ZNF334: variants seen among roughly 807,000 people sequenced by gnomAD.
ZNF334 encodes the protein zinc finger protein 334.
ZNF334 carries 14 observed loss-of-function variants against 12.4 expected under a neutral mutation model. That is an observed-to-expected ratio of 1.13 (90% CI 0.74 to 1.76). The LOEUF (loss-of-function observed/expected upper bound fraction) is 1.76, where lower values mean the gene tolerates loss of function less well. ZNF334 is among the 40% of genes most tolerant of loss of function. ZNF334 has a pLI of 0.00. For missense variants in ZNF334, 797 were observed against 804.5 expected (o/e 0.99, Z 0.11); for synonymous variants, 273 against 269.6 (o/e 1.01, Z -0.12).
chr20:46,508,363 G>C (rs930409390), intron 2 of ZNF334, among the ~76,000 whole-genome samples: 4 of 152,220 alleles, frequency 2.6e-5, no homozygotes, highest in African/African-American at 9.7e-5. Context: ...GACCCTACAT[G>C]TAATGCAAAG....
the ZNF334 span, among the ~76,000 whole-genome samples, chr20:46,483,094 G>T: frequency 1.3e-5 from 2 of 152,134 alleles, no homozygotes; most frequent in Non-Finnish European, 2.9e-5. Context: ...TTGATGGCTT[G>T]GTTACATCCC....
downstream of ZNF334, among the ~76,000 whole-genome samples, chr20:46,498,015 C>T (rs897282228): frequency 6.6e-6 from 1 of 152,192 alleles, no homozygotes; most frequent in African/African-American, 2.4e-5. Context: ...ATCTCTATCT[C>T]TAGAAAGAAG....
In ZNF334 at chr20:46,505,814, C is replaced by T. The variant is rs1012455838; in HGVS notation, c.22-1074G>A. ...CCTTGTCCTCTAAAGAAAACATTTG[C>T]TGTCCCCTACTCTAGAAAAATGGAA... On this transcript the variant is annotated intron_variant, in intron 2 of 4. Transcript: ENST00000692313. 2.0e-5 allele frequency: 3 copies of T among 153,350 alleles called. No individual in the cohort carries two copies. The Admixed American group carries it at 2.0e-4, about 10-fold the overall frequency. 9.5% of individuals were successfully genotyped at this position (153,350 alleles called of 1,614,324 possible).
In ZNF334 at chr20:46,501,823, G is replaced by A. The variant is rs1359508541; in HGVS notation, c.1516C>T (p.Gln506Ter). 2 of 1,613,672 alleles carry A rather than the reference G, an allele frequency of 1.2e-6. No individual in the cohort carries two copies. Among genetic ancestry groups the A allele is most frequent in the South Asian group, 1.1e-5 (1 of 91,042 alleles). Reference protein sequence around the residue: ...RISIVKSNCSQCKRMNTKENL... With the variant: ...RISIVKSNCS ...TCCTTTGTGTTCATTCTCTTACACT[G>A]ACTGCAGTTTGACTTCACAATGGAG... Residue 506 changes from glutamine (Q) to a stop codon, truncating the protein, a stop_gained, in exon 5 of 5, where the codon CAG becomes TAG. Coordinates refer to ENST00000692313, the MANE Select transcript of ZNF334 (RefSeq NM_001353824.2). LOFTEE classifies it low-confidence loss of function (END_TRUNC).
At chr20:46,497,671 T>C (rs766053749), downstream of ZNF334, among the ~76,000 whole-genome samples, 20 of 152,218 alleles carry the variant, frequency 1.3e-4, no homozygotes, top group Non-Finnish European at 2.4e-4. Context: ...CACAACACTG[T>C]AGTGAAAGAC....
At chr20:46,473,526 T>C in the ZNF334 span, among the ~76,000 whole-genome samples, 1 of 152,276 alleles carries the variant, frequency 6.6e-6, no homozygotes, top group African/African-American at 2.4e-5. Flanking sequence ...TTCTTTCTTA[T>C]GATTCAGTTC....
At chr20:46,462,685 T>C in the ZNF334 span, among the ~76,000 whole-genome samples, 6 of 152,258 alleles carry the variant, frequency 3.9e-5, no homozygotes, top group Admixed American at 1.3e-4. Context: ...TTTCTTTCTT[T>C]ATATAGACAG....
chr20:46,500,086 A>G lies in ZNF334; in HGVS notation c.*1210T>C, dbSNP rs959781981. The G allele has an allele frequency of 3.3e-5, 5 of 152,346 alleles. No individual in the cohort carries two copies. The East Asian group carries it at 7.7e-4, about 23-fold the overall frequency. 9.4% of individuals were successfully genotyped at this position (152,346 alleles called of 1,614,324 possible). A position where few individuals can be genotyped will look rare whatever the true frequency, so the allele number is the denominator to read the frequency against. On this transcript the variant is annotated 3_prime_UTR_variant, in exon 5 of 5. Transcript: ENST00000692313. ...TAGACCAATTTACCAATCACAGGCA[A>G]TATCTGTGACAAGAAATTATACTTG...
chr20:46,507,266 G>A (rs2061467287), intron 2 of ZNF334, among the ~76,000 whole-genome samples: 1 of 151,484 alleles, frequency 6.6e-6, no homozygotes, highest in Admixed American at 6.6e-5. Flanking sequence ...GAAGGGGAAA[G>A]GAAATAAAGA....
intron 2 of ZNF334, chr20:46,506,317 A>G: frequency 3.1e-6 from 2 of 652,702 alleles, no homozygotes; most frequent in Non-Finnish European, 5.5e-6. Flanking sequence ...CTTTTATGTA[A>G]GAAAGGAGAT....
At position 46,502,675 on chromosome 20, in the gene ZNF334, C is replaced by G. The variant is rs2061270700; in HGVS notation, c.664G>C (p.Ala222Pro). The change falls in exon 5 of 5, where the codon GCA (alanine) becomes CCA (proline). Residue 222 changes from alanine (A) to proline (P), a missense_variant. Physicochemically the swap from Ala to Pro is conservative, Grantham distance 27. Coordinates refer to ENST00000692313, the MANE Select transcript of ZNF334 (RefSeq NM_001353824.2). The part of the protein sequence containing the change: ...NKCGKTFFKR[A>P]ILITQKGRQT... ...CTCCCCTTTTGTGTAATGAGAATTG[C>G]CCTCTTGAAGAAGGTTTTCCCACAT... 6.2e-7 allele frequency: 1 copy of G among 1,612,440 alleles called. No homozygotes were observed. Among genetic ancestry groups the G allele is most frequent in the Non-Finnish European group, 8.5e-7 (1 of 1,179,912 alleles).
intron 2 of ZNF334, among the ~76,000 whole-genome samples, chr20:46,509,309 T>A (rs2061556578): frequency 6.6e-6 from 1 of 152,136 alleles, no homozygotes. Flanking sequence ...AGAAAACAGA[T>A]CCTAAGGCAA....
At chr20:46,465,816 G>A in the ZNF334 span, among the ~76,000 whole-genome samples, 20 of 152,102 alleles carry the variant, frequency 1.3e-4, no homozygotes, top group African/African-American at 4.6e-4. Context: ...TTAGCCGGGC[G>A]TGGTGGCGAG....
At chr20:46,498,484 C>T (rs776453563), downstream of ZNF334, among the ~76,000 whole-genome samples, 3 of 152,106 alleles carry the variant, frequency 2.0e-5, no homozygotes, top group Admixed American at 1.3e-4. Context: ...CTTTCAGCCC[C>T]GTCAAGTCTT....
the ZNF334 span, among the ~76,000 whole-genome samples, chr20:46,482,919 T>C: frequency 5.9e-5 from 9 of 152,172 alleles, no homozygotes; most frequent in Admixed American, 2.0e-4. Flanking sequence ...ATTTCAGTGG[T>C]AGACACAATG....
the ZNF334 span, among the ~76,000 whole-genome samples, chr20:46,493,587 C>T: frequency 3.9e-5 from 6 of 152,110 alleles, no homozygotes; most frequent in African/African-American, 1.4e-4. Context: ...AGTTTGAGAC[C>T]AGCCTGGCCA....
the ZNF334 span, among the ~76,000 whole-genome samples, chr20:46,473,608 T>C: frequency 6.6e-6 from 1 of 152,198 alleles, no homozygotes; most frequent in Non-Finnish European, 1.5e-5. Context: ...TCCCCTCCTG[T>C]CCTCACTTTC....
chr20:46,465,537 A>C, the ZNF334 span, among the ~76,000 whole-genome samples: 1 of 152,108 alleles, frequency 6.6e-6, no homozygotes, highest in Non-Finnish European at 1.5e-5. Context: ...ATCTCTAAAA[A>C]ACCAAAACAA....
chr20:46,475,729 A>G, the ZNF334 span, among the ~76,000 whole-genome samples: 2 of 152,224 alleles, frequency 1.3e-5, no homozygotes, highest in Non-Finnish European at 2.9e-5. Flanking sequence ...GTGTGATATC[A>G]CTACATGCCT....
Sources: allele counts gnomAD v4.1 joint callset (sites outside exome capture counted in the v4.1 genomes callset), GRCh38; gene constraint gnomAD v4.1.1; transcripts MANE v1.5; gene names NCBI Gene and HGNC (gene_info 2026-07-23, HGNC 2026-07-21).